CCDC102B: variants seen among roughly 807,000 people sequenced by gnomAD.
CCDC102B encodes the protein coiled-coil domain containing 102B.
In CCDC102B, 75 loss-of-function variants were observed where a neutral mutation model predicts 57.4. The ratio of observed to expected loss-of-function variants is 1.31; its 90% CI spans 1.08 to 1.58. CCDC102B has a LOEUF of 1.58. Among genes scored for constraint, CCDC102B ranks in the 40% most tolerant of loss-of-function variants. The pLI is 0.00. For missense variants in CCDC102B, 636 were observed against 582.6 expected, an observed-to-expected ratio of 1.09 and a Z score of -0.94; for synonymous variants, 206 against 201.9, an observed-to-expected ratio of 1.02 and a Z score of -0.17.
chr18:68,855,575 T>C (rs990145661), intron 4 of CCDC102B, among the ~76,000 whole-genome samples: 3 of 152,200 alleles, frequency 2.0e-5, no homozygotes, highest in Non-Finnish European at 4.4e-5. Context: ...CTGTAGAATA[T>C]TTTCATCAGT....
chr18:69,042,605 C>T (rs1027897617), intron 7 of CCDC102B, among the ~76,000 whole-genome samples: 1 of 152,052 alleles, frequency 6.6e-6, no homozygotes, highest in African/African-American at 2.4e-5. Context: ...TACCCTGAAT[C>T]GTGAATTCCC....
chr18:68,969,478 CT>C (rs74175340), intron 6 of CCDC102B, among the ~76,000 whole-genome samples: 14,799 of 137,064 alleles, frequency 0.11, 827 homozygotes, highest in Non-Finnish European at 0.15. Flanking sequence ...TCCTTTTAAT[CT>C]TTTTTTTTTT....
In CCDC102B at chr18:68,914,044, A is replaced by G. The variant is rs142198661; in HGVS notation, c.1263+16616A>G. Among the ~76,000 whole-genome samples the G allele has an allele frequency of 2.8e-4, 43 of 152,346 alleles. No homozygotes were observed. In the East Asian group the frequency reaches 7.7e-3, roughly 27 times the overall value. On this transcript the variant is annotated intron_variant, in intron 6 of 7. Coordinates refer to ENST00000360242, the MANE Select transcript of CCDC102B (RefSeq NM_024781.3). ...AACATAGGTAATTTTTATGTGCACT[A>G]TATTCGGAAAATGACAAATCACCAC...
At chr18:68,738,682 A>C (rs529769280) in intron 2 of CCDC102B, among the ~76,000 whole-genome samples, 1 of 152,156 alleles carries the variant, frequency 6.6e-6, no homozygotes, top group Non-Finnish European at 1.5e-5. Context: ...ACTAACATTT[A>C]TTTTTTAATT....
intron 7 of CCDC102B, among the ~76,000 whole-genome samples, chr18:69,014,888 A>T (rs1229428702): frequency 9.2e-5 from 14 of 151,672 alleles, no homozygotes; most frequent in Non-Finnish European, 1.5e-5. Flanking sequence ...GGGAGTAAAA[A>T]ATTTCAAGTG....
intron 5 of CCDC102B, among the ~76,000 whole-genome samples, chr18:68,878,454 T>G (rs1318730236): frequency 6.6e-6 from 1 of 152,148 alleles, no homozygotes; most frequent in South Asian, 2.1e-4. Flanking sequence ...ATGGTCTGAA[T>G]GTGTGTGTGT....
At chr18:69,014,605 G>T (rs556056456) in intron 7 of CCDC102B, among the ~76,000 whole-genome samples, 76 of 151,996 alleles carry the variant, frequency 5.0e-4, no homozygotes, top group African/African-American at 1.4e-3. Flanking sequence ...GTGTGTGTTG[G>T]GGGGGCGGGG....
chr18:68,860,481 A>AC (rs1178682440), intron 4 of CCDC102B, among the ~76,000 whole-genome samples: 540 of 128,508 alleles, frequency 4.2e-3, no homozygotes, highest in Middle Eastern at 8.3e-3. Flanking sequence ...AAAACAAAAA[A>AC]AAAAAAAGAC....
intron 6 of CCDC102B, 109 bp from the exon 7 acceptor site, chr18:69,010,825 A>G (rs2051494971): frequency 2.8e-6 from 2 of 711,848 alleles, no homozygotes; most frequent in Non-Finnish European, 4.4e-6. Flanking sequence ...ATGATGGCTC[A>G]TCTAAATTCT....
intron 5 of CCDC102B, among the ~76,000 whole-genome samples, chr18:68,894,654 T>C (rs995768302): frequency 1.3e-5 from 2 of 151,832 alleles, no homozygotes; most frequent in African/African-American, 4.8e-5. Context: ...TAAGAAACAG[T>C]TTTACAAAAT....
chr18:68,960,476 G>A (rs745371296), intron 6 of CCDC102B, among the ~76,000 whole-genome samples: 2 of 152,084 alleles, frequency 1.3e-5, no homozygotes, highest in Admixed American at 6.5e-5. Context: ...TCCTGGGGTT[G>A]GGGAAGGAGT....
At chr18:68,808,924 A>T (rs1234660786) in intron 1 of CCDC102B, among the ~76,000 whole-genome samples, 11 of 152,338 alleles carry the variant, frequency 7.2e-5, no homozygotes, top group East Asian at 1.9e-4. Context: ...TTTTATTTTT[A>T]AAAATTTATG....
At chr18:68,908,821 T>C (rs1440287981) in intron 6 of CCDC102B, among the ~76,000 whole-genome samples, 1 of 152,090 alleles carries the variant, frequency 6.6e-6, no homozygotes, top group East Asian at 1.9e-4. Flanking sequence ...TATATATTGG[T>C]TACTTACATA....
chr18:69,013,370 C>T (rs576119566), intron 7 of CCDC102B, among the ~76,000 whole-genome samples: 45 of 151,986 alleles, frequency 3.0e-4, no homozygotes, highest in Non-Finnish European at 5.3e-4. Flanking sequence ...AATGGCGACT[C>T]GGAAAGGTGG....
At chr18:69,030,462 T>C (rs1599872197) in intron 7 of CCDC102B, among the ~76,000 whole-genome samples, 2 of 152,328 alleles carry the variant, frequency 1.3e-5, no homozygotes, top group East Asian at 3.9e-4. Flanking sequence ...GCAGGAAGAT[T>C]AGAACTCAGA....
chr18:68,856,458 T>C (rs1357557623), intron 4 of CCDC102B, among the ~76,000 whole-genome samples: 2 of 152,066 alleles, frequency 1.3e-5, no homozygotes, highest in Non-Finnish European at 2.9e-5. Flanking sequence ...AACTGGCTAA[T>C]TTATAATTTT....
chr18:69,004,367 G>T (rs527844884), intron 6 of CCDC102B, among the ~76,000 whole-genome samples: 1 of 152,260 alleles, frequency 6.6e-6, no homozygotes, highest in East Asian at 1.9e-4. Flanking sequence ...GAGCTGGAAT[G>T]GACCTTTGGA....
At chr18:68,824,176 T>C (rs2036812507) in intron 1 of CCDC102B, among the ~76,000 whole-genome samples, 1 of 152,200 alleles carries the variant, frequency 6.6e-6, no homozygotes, top group Non-Finnish European at 1.5e-5. Flanking sequence ...TTCGGAATTT[T>C]ATAGTTTGAG....
At chr18:68,789,830 C>G (rs1179413953) in intron 2 of CCDC102B, among the ~76,000 whole-genome samples, 9 of 151,196 alleles carry the variant, frequency 6.0e-5, no homozygotes, top group Admixed American at 6.6e-5. Flanking sequence ...TCTCTCAGCT[C>G]GTCAAAGTCA....
Sources: gnomAD v4.1 joint callset for allele counts (sites outside exome capture counted in the v4.1 genomes callset) on GRCh38, gnomAD v4.1.1 for gene constraint, MANE v1.5 for transcripts, NCBI Gene and HGNC (gene_info 2026-07-23, HGNC 2026-07-21) for gene names.